Variants in OMA1 observed in about 807,000 individuals in gnomAD.
The protein encoded by OMA1 is metalloendopeptidase OMA1, mitochondrial.
In OMA1, 38 loss-of-function variants were observed where a neutral mutation model predicts 30.9. That is an observed-to-expected ratio of 1.23 (90% CI 0.95 to 1.61). OMA1 has a LOEUF of 1.61. OMA1 is among the 40% of genes most tolerant of loss of function. The probability of loss-of-function intolerance (pLI) is 0.00; values close to 1 mark genes in which losing one functional copy is unlikely to be tolerated. For synonymous variants in OMA1, 173 were observed against 121.9 expected (o/e 1.42, Z -2.76); for missense variants, 461 against 349.2 (o/e 1.32, Z -2.55).
intron 7 of OMA1, among the ~76,000 whole-genome samples, chr1:58,514,354 G>A (rs987530730): frequency 6.6e-6 from 1 of 152,250 alleles, no homozygotes; most frequent in East Asian, 1.9e-4. Context: ...AACAATACTA[G>A]AGAAATATGT....
rs868823755 is a variant in OMA1, at chr1:58,494,745, C to T, written c.1365+11315G>A. On this transcript the variant is annotated intron_variant, in intron 8 of 8. Transcript: ENST00000371226. ...TACCATCTCACACCAGTTAGAATGGCGATCATTAAAAAGTCAGGAAACTAC... is the reference window on the plus strand; with the variant it reads ...TACCATCTCACACCAGTTAGAATGGTGATCATTAAAAAGTCAGGAAACTAC... Among the ~76,000 whole-genome samples the T allele has an allele frequency of 7.3e-4, 111 of 152,010 alleles. 1 individual carries two copies. Among genetic ancestry groups the T allele is most frequent in the African/African-American group, 1.1e-3 (45 of 41,438 alleles).
At chr1:58,517,040 A>G (rs1381099573) in intron 7 of OMA1, among the ~76,000 whole-genome samples, 1 of 152,200 alleles carries the variant, frequency 6.6e-6, no homozygotes, top group Non-Finnish European at 1.5e-5. Flanking sequence ...TCAAGGTCCA[A>G]AAAAAGGATA....
At chr1:58,505,975 T>C in intron 8 of OMA1, 85 bp downstream of exon 8, 1 of 734,686 alleles carries the variant, frequency 1.4e-6, no homozygotes, top group Admixed American at 2.0e-5. Context: ...GCTAGAACTC[T>C]CTTTTACTAA....
intron 8 of OMA1, among the ~76,000 whole-genome samples, chr1:58,490,225 A>T (rs1288011280): frequency 2.0e-5 from 3 of 152,216 alleles, no homozygotes; most frequent in African/African-American, 7.2e-5. Flanking sequence ...AACTAGAATA[A>T]CCAATGCAGA....
At chr1:58,494,176 CCT>C (rs1418793176) in intron 8 of OMA1, among the ~76,000 whole-genome samples, 1 of 152,126 alleles carries the variant, frequency 6.6e-6, no homozygotes, top group Non-Finnish European at 1.5e-5. Context: ...GAAAGGATTC[CCT>C]CTTTAATAAA....
rs527994179 is a variant in OMA1, at chr1:58,483,162, C to T, written c.1366-1988G>A. Among the ~76,000 whole-genome samples, 12 of 152,296 alleles carry T rather than the reference C, an allele frequency of 7.9e-5. No homozygotes were observed. In the East Asian group the frequency reaches 1.9e-3, roughly 25 times the overall value. ...GTAGCTCTTGCCACTAGCCTGCCAT[C>T]TGCCCCCTCTCCCAGCCCTAGCTTA... On this transcript the variant is annotated intron_variant, in intron 8 of 8. Transcript: ENST00000371226.
intron 8 of OMA1, among the ~76,000 whole-genome samples, chr1:58,504,799 C>A (rs1645961069): frequency 1.3e-5 from 2 of 152,150 alleles, no homozygotes; most frequent in African/African-American, 4.8e-5. Context: ...TAAATCATAT[C>A]CTTGTACTAA....
rs1439080646 is a variant in OMA1, at chr1:58,534,235, CT to C, written c.825del (p.Asp276MetfsTer37). ...EVLCHLIECNKDVPGISQINW... is the reference protein window; with the variant it reads ...EVLCHLIECNXDVPGISQINW... Reference sequence around the variant, plus strand: ...TTGATCTGAGAGATCCCTGGAACATCTTTATTGCATTCAATTAGATGACAAA... The same window carrying C: ...TTGATCTGAGAGATCCCTGGAACATCTTATTGCATTCAATTAGATGACAAA... On this transcript the variant is annotated frameshift_variant, in exon 4 of 9. Coordinates refer to ENST00000371226, the MANE Select transcript of OMA1 (RefSeq NM_145243.5). LOFTEE classifies it high-confidence loss of function. The C allele has an allele frequency of 2.3e-6, 2 of 871,898 alleles. No individual in the cohort carries two copies. The highest frequency in any genetic ancestry group is 4.0e-6 in the Non-Finnish European group (2 of 501,526). The allele number at this position is 871,898 out of a possible 1,614,324, so 54.0% of individuals were successfully genotyped here. A position where few individuals can be genotyped will look rare whatever the true frequency, so the allele number is the denominator to read the frequency against.
At position 58,534,258 on chromosome 1, in the gene OMA1, C is replaced by CA. The variant is rs746741747; in HGVS notation, c.802dup (p.Cys268LeufsTer5). 1.7e-5 allele frequency: 15 copies of CA among 871,324 alleles called. No individual in the cohort carries two copies. Among genetic ancestry groups the CA allele is most frequent in the Non-Finnish European group, 2.8e-5 (14 of 501,416 alleles). 54.0% of individuals were successfully genotyped at this position (871,324 alleles called of 1,614,324 possible). A position where few individuals can be genotyped will look rare whatever the true frequency, so the allele number is the denominator to read the frequency against. On this transcript the variant is annotated frameshift_variant, in exon 4 of 9. Coordinates refer to ENST00000371226, the MANE Select transcript of OMA1 (RefSeq NM_145243.5). LOFTEE classifies it high-confidence loss of function. ...ATCTTTATTGCATTCAATTAGATGA[C>CA]AAAGCACTTCTTTAACAGCCAGGTA...
chr1:58,502,044 A>G (rs1645915519), intron 8 of OMA1, among the ~76,000 whole-genome samples: 1 of 152,190 alleles, frequency 6.6e-6, no homozygotes, highest in African/African-American at 2.4e-5. Context: ...AACCTGGCAT[A>G]TAACAGATGA....
chr1:58,504,222 C>T (rs1400522354), intron 8 of OMA1, among the ~76,000 whole-genome samples: 1 of 152,226 alleles, frequency 6.6e-6, no homozygotes, highest in Admixed American at 6.5e-5. Flanking sequence ...GAAGATCCTG[C>T]GTGGTCTGGT....
Position 58,536,500 on chromosome 1 carries a change from TCTTACTA to T in OMA1, c.729+6_729+12del, listed in dbSNP as rs1439805668. ...ATTAAGCAGTCTAATTAAAAACAACTCTTACTACTTACTGCTTCATATTCCAGTTCCG... is the reference window on the plus strand; with the variant it reads ...ATTAAGCAGTCTAATTAAAAACAACTCTTACTGCTTCATATTCCAGTTCCG... On this transcript the variant is annotated splice_donor_region_variant and intron_variant, in intron 3 of 8. Transcript: ENST00000371226. The T allele has an allele frequency of 1.3e-5, 11 of 863,010 alleles. No individual in the cohort carries two copies. Among genetic ancestry groups the T allele is most frequent in the Non-Finnish European group, 2.0e-5 (10 of 494,136 alleles). 53.5% of individuals were successfully genotyped at this position (863,010 alleles called of 1,614,324 possible).
chr1:58,494,328 T>C (rs1645754310), intron 8 of OMA1, among the ~76,000 whole-genome samples: 3 of 152,002 alleles, frequency 2.0e-5, no homozygotes. Context: ...GAAGAAAACC[T>C]AGGCAATACC....
At chr1:58,495,793 C>T (rs970506520) in intron 8 of OMA1, among the ~76,000 whole-genome samples, 5 of 152,018 alleles carry the variant, frequency 3.3e-5, no homozygotes, top group African/African-American at 1.2e-4. Context: ...AAAACTCTTA[C>T]ACTTCCTCCA....
chr1:58,519,381 C>CCACATCTGCAGACCATTCATCTG (rs2100448165), intron 7 of OMA1, among the ~76,000 whole-genome samples: 1 of 152,284 alleles, frequency 6.6e-6, no homozygotes, highest in South Asian at 2.1e-4. Context: ...CATCTGCAGA[C>CCACATCTGCAGACCATTCATCTG]ACGTGAATGA....
At chr1:58,534,384 C>T (rs17096876) in intron 3 of OMA1, 53 bp from the exon 4 acceptor site, 17,031 of 747,622 alleles carry the variant, frequency 0.023, 481 homozygotes, top group East Asian at 0.12. Flanking sequence ...AAAATGCTTA[C>T]TCTGCTTCAT....
chr1:58,507,224 A>G (rs1327307299), intron 7 of OMA1, among the ~76,000 whole-genome samples: 1 of 151,946 alleles, frequency 6.6e-6, no homozygotes, highest in Non-Finnish European at 1.5e-5. Flanking sequence ...ATAATAAGTA[A>G]CTGGAAAACA....
chr1:58,510,506 C>A (rs994705974), intron 7 of OMA1, among the ~76,000 whole-genome samples: 3 of 152,052 alleles, frequency 2.0e-5, no homozygotes, highest in South Asian at 2.1e-4. Flanking sequence ...GAAAAGCCCA[C>A]AACTAGCATC....
intron 1 of OMA1, among the ~76,000 whole-genome samples, chr1:58,539,708 A>C (rs1436953053): frequency 6.6e-6 from 1 of 152,234 alleles, no homozygotes; most frequent in Non-Finnish European, 1.5e-5. Context: ...TATAAAATGC[A>C]CTGGACATTA....
Sources: allele counts gnomAD v4.1 joint callset (sites outside exome capture counted in the v4.1 genomes callset), GRCh38; gene constraint gnomAD v4.1.1; transcripts MANE v1.5; gene names NCBI Gene and HGNC (gene_info 2026-07-23, HGNC 2026-07-21).